Variants in ANO2 observed in about 807,000 individuals in gnomAD.
The protein encoded by ANO2 is anoctamin 2, also known as anoctamin-2.
A neutral mutation model predicts 124.2 loss-of-function variants in ANO2; 101 were observed. That is an observed-to-expected ratio of 0.81 (90% CI 0.69 to 0.96). The LOEUF (loss-of-function observed/expected upper bound fraction) is 0.96, where lower values mean the gene tolerates loss of function less well. Ranked by LOEUF, ANO2 falls within the 40% of genes least tolerant of loss-of-function variation. The pLI is 0.00. For synonymous variants in ANO2, 486 were observed against 482.5 expected, an observed-to-expected ratio of 1.01 and a Z score of -0.09; for missense variants, 1,293 against 1,274.5, an observed-to-expected ratio of 1.01 and a Z score of -0.22.
intron 3 of ANO2, among the ~76,000 whole-genome samples, chr12:5,870,710 T>C (rs1046580312): frequency 6.6e-6 from 1 of 152,240 alleles, no homozygotes; most frequent in Non-Finnish European, 1.5e-5. Flanking sequence ...TCTTCTCATA[T>C]TCTAAAACTT....
At position 5,615,187 on chromosome 12, in the gene ANO2, T is replaced by A. The variant is rs1014987059; in HGVS notation, c.1927A>T (p.Arg643Trp). 1 of 1,612,316 alleles carries A rather than the reference T, an allele frequency of 6.2e-7. No individual in the cohort carries two copies. The highest frequency in any genetic ancestry group is 1.3e-5 in the African/African-American group (1 of 74,866). ...TACACATGACACCATTATACTCACC[T>A]CCCTTTGAAAAAGGCCACATAGAAG... is the stretch of plus-strand genomic sequence containing the variant. ...PIFYVAFFKG[R>W]FVGRPGSYVY... The change falls in exon 17 of 25, where the codon AGG (arginine) becomes TGG (tryptophan). Residue 643 changes from arginine to tryptophan, a missense_variant and splice_region_variant. Coordinates refer to ENST00000682330, the MANE Select transcript of ANO2 (RefSeq NM_001364791.2).
intron 14 of ANO2, among the ~76,000 whole-genome samples, chr12:5,669,827 T>A (rs1947902996): frequency 6.6e-6 from 1 of 152,234 alleles, no homozygotes; most frequent in Non-Finnish European, 1.5e-5. Context: ...TGCATATGAC[T>A]GTGAGCTCCC....
intron 14 of ANO2, among the ~76,000 whole-genome samples, chr12:5,720,890 C>T (rs1487756619): frequency 6.6e-6 from 1 of 152,204 alleles, no homozygotes; most frequent in Non-Finnish European, 1.5e-5. Context: ...CTTATTTTAG[C>T]CAGAACTCCT....
At chr12:5,847,978 G>A (rs7974448) in intron 4 of ANO2, among the ~76,000 whole-genome samples, 132,347 of 152,252 alleles carry the variant, frequency 0.87, 59,052 homozygotes, top group East Asian at 1. Flanking sequence ...ATTTCTGCTC[G>A]AACCGTTATC....
chr12:5,874,108 T>A (rs1056863884), intron 3 of ANO2, among the ~76,000 whole-genome samples: 4 of 152,168 alleles, frequency 2.6e-5, no homozygotes, highest in African/African-American at 9.7e-5. Flanking sequence ...CTCAAACAGC[T>A]TTTAGACTGG....
rs1038510189 is a variant in ANO2, at chr12:5,584,142, G to A, written c.2234-5624C>T. 6 of 77,076 alleles carry A rather than the reference G, an allele frequency of 7.8e-5. No homozygotes were observed. The East Asian group carries it at 2.1e-3, about 27-fold the overall frequency. The allele number at this position is 77,076 out of a possible 1,614,324, so 4.8% of individuals were successfully genotyped here. On this transcript the variant is annotated intron_variant, in intron 20 of 24. Transcript: ENST00000682330. ...TTAATTTAATGAACACCCCCCCCCC[G>A]CCGCAAGAATATTAATGTTGATCAT...
At chr12:5,873,772 G>A (rs574641674) in intron 3 of ANO2, among the ~76,000 whole-genome samples, 5 of 152,242 alleles carry the variant, frequency 3.3e-5, no homozygotes, top group Admixed American at 6.5e-5. Context: ...AGCTCTTTGT[G>A]CAGGGGTGGT....
At chr12:5,943,275 GTT>G (rs1225718319) in intron 1 of ANO2, among the ~76,000 whole-genome samples, 29 of 89,528 alleles carry the variant, frequency 3.2e-4, no homozygotes, top group Non-Finnish European at 5.3e-4. Context: ...TTGAGTGTGT[GTT>G]TGTGTGTGTG....
intron 10 of ANO2, among the ~76,000 whole-genome samples, chr12:5,786,271 C>G (rs1952536891): frequency 6.6e-6 from 1 of 152,114 alleles, no homozygotes; most frequent in Non-Finnish European, 1.5e-5. Context: ...CTCTAGAGCA[C>G]CTGGCCTACC....
intron 10 of ANO2, among the ~76,000 whole-genome samples, chr12:5,795,410 C>G (rs1290360672): frequency 6.6e-6 from 1 of 152,176 alleles, no homozygotes; most frequent in African/African-American, 2.4e-5. Context: ...GTGAGCACCC[C>G]AGGAACAGGT....
intron 16 of ANO2, among the ~76,000 whole-genome samples, chr12:5,615,784 A>T (rs1399156740): frequency 6.6e-6 from 1 of 152,168 alleles, no homozygotes; most frequent in Non-Finnish European, 1.5e-5. Flanking sequence ...AGCAGAAAAA[A>T]TGCTGAATGA....
At chr12:5,610,227 T>TTA (rs1944438441) in intron 19 of ANO2, among the ~76,000 whole-genome samples, 1 of 110,350 alleles carries the variant, frequency 9.1e-6, no homozygotes, top group Non-Finnish European at 1.8e-5. Flanking sequence ...AAATATATAC[T>TTA]TATATAAATA....
intron 1 of ANO2, among the ~76,000 whole-genome samples, chr12:5,943,277 TTG>T (rs138167836): frequency 0.2 from 28,912 of 148,234 alleles, 2,891 homozygotes; most frequent in Non-Finnish European, 0.24. Flanking sequence ...GAGTGTGTGT[TTG>T]TGTGTGTGTG....
intron 1 of ANO2, among the ~76,000 whole-genome samples, chr12:5,931,329 G>A (rs944852367): frequency 6.6e-6 from 1 of 152,016 alleles, no homozygotes; most frequent in African/African-American, 2.4e-5. Flanking sequence ...GGGAGGTTGG[G>A]GTGGGGATGA....
intron 19 of ANO2, among the ~76,000 whole-genome samples, chr12:5,610,024 T>A (rs1488574049): frequency 7.2e-6 from 1 of 138,366 alleles, no homozygotes; most frequent in East Asian, 2.0e-4. Context: ...TATAATATAT[T>A]TATATTATAG....
intron 14 of ANO2, among the ~76,000 whole-genome samples, chr12:5,671,193 T>C (rs1485488510): frequency 1.3e-5 from 2 of 151,982 alleles, no homozygotes; most frequent in African/African-American, 2.4e-5. Context: ...TCTACACTCA[T>C]TATGAAAAAT....
intron 14 of ANO2, among the ~76,000 whole-genome samples, chr12:5,650,169 C>G (rs996119665): frequency 5.9e-5 from 9 of 152,084 alleles, no homozygotes; most frequent in African/African-American, 2.2e-4. Flanking sequence ...ACTGAGGACA[C>G]GCTGAGGAGA....
chr12:5,933,933 C>G (rs1207590578), intron 1 of ANO2, among the ~76,000 whole-genome samples: 3 of 152,136 alleles, frequency 2.0e-5, no homozygotes, highest in Non-Finnish European at 4.4e-5. Flanking sequence ...ATTCCTAGCA[C>G]AGGACTCTGG....
chr12:5,772,002 G>A (rs1226018844), intron 10 of ANO2, among the ~76,000 whole-genome samples: 1 of 152,122 alleles, frequency 6.6e-6, no homozygotes, highest in Non-Finnish European at 1.5e-5. Flanking sequence ...GCCCCAGCTA[G>A]CCCTGCAATC....
Sources: gnomAD v4.1 joint callset for allele counts (sites outside exome capture counted in the v4.1 genomes callset) on GRCh38, gnomAD v4.1.1 for gene constraint, MANE v1.5 for transcripts, NCBI Gene and HGNC (gene_info 2026-07-23, HGNC 2026-07-21) for gene names.